Variants in RIMS1 observed in about 807,000 individuals in gnomAD.
The protein encoded by RIMS1 is regulating synaptic membrane exocytosis 1.
In RIMS1, 83 loss-of-function variants were observed where a neutral mutation model predicts 214.1. The observed-to-expected ratio is 0.39, with a 90% confidence interval of 0.32 to 0.47. RIMS1 has a LOEUF of 0.47. Ranked by LOEUF, RIMS1 falls within the 20% of genes least tolerant of loss-of-function variation. The probability of loss-of-function intolerance (pLI) is 0.99; values close to 1 mark genes in which losing one functional copy is unlikely to be tolerated. For missense variants in RIMS1, 2,050 were observed against 2,161.8 expected (o/e 0.95, Z 1.03); for synonymous variants, 793 against 786.8 (o/e 1.01, Z -0.13).
intron 2 of RIMS1, among the ~76,000 whole-genome samples, chr6:72,078,677 CA>C (rs915510013): frequency 6.6e-6 from 1 of 151,636 alleles, no homozygotes; most frequent in Non-Finnish European, 1.5e-5. Flanking sequence ...AAAACAAACA[CA>C]AAAAAACAAG....
chr6:72,080,409 A>G (rs1021274681), intron 2 of RIMS1, among the ~76,000 whole-genome samples: 1 of 152,202 alleles, frequency 6.6e-6, no homozygotes, highest in African/African-American at 2.4e-5. Context: ...GCTATGGTCC[A>G]GACTTCCATT....
At chr6:71,921,699 A>C (rs1419570042) in intron 1 of RIMS1, among the ~76,000 whole-genome samples, 3 of 152,192 alleles carry the variant, frequency 2.0e-5, no homozygotes, top group African/African-American at 7.2e-5. Context: ...TCAAAATCTA[A>C]ACTTTGTATA....
At chr6:72,137,480 G>A (rs1455451071) in intron 4 of RIMS1, among the ~76,000 whole-genome samples, 2 of 151,488 alleles carry the variant, frequency 1.3e-5, no homozygotes, top group Non-Finnish European at 2.9e-5. Context: ...GTTTTGAGAC[G>A]TTTAATTTTT....
chr6:72,261,349 G>A (rs1320750585), intron 19 of RIMS1: 3 of 988,230 alleles, frequency 3.0e-6, no homozygotes, highest in Middle Eastern at 5.1e-4. Context: ...CAGAAATGCT[G>A]CAGTACAAAC....
At chr6:72,271,285 AAATATAT>A (rs1365332033) in intron 22 of RIMS1, among the ~76,000 whole-genome samples, 3 of 22,894 alleles carry the variant, frequency 1.3e-4, no homozygotes, top group African/African-American at 6.6e-4. Context: ...AAAAAAAAAA[AAATATAT>A]ATATATATAT....
At chr6:72,044,479 C>T (rs1378290969) in intron 2 of RIMS1, among the ~76,000 whole-genome samples, 2 of 151,480 alleles carry the variant, frequency 1.3e-5, no homozygotes, top group Non-Finnish European at 3.0e-5. Context: ...TTATAAAGCA[C>T]ATTTTTAATA....
chr6:72,204,962 A>G (rs2052647792), intron 6 of RIMS1, among the ~76,000 whole-genome samples: 1 of 152,084 alleles, frequency 6.6e-6, no homozygotes, highest in South Asian at 2.1e-4. Flanking sequence ...ATGGCCATGC[A>G]TTTGGGAAAA....
chr6:72,345,990 T>A (rs1254368268), intron 29 of RIMS1, among the ~76,000 whole-genome samples: 1 of 151,676 alleles, frequency 6.6e-6, no homozygotes, highest in Non-Finnish European at 1.5e-5. Flanking sequence ...TGAAGTTACT[T>A]AGGAAAGAAG....
intron 26 of RIMS1, among the ~76,000 whole-genome samples, chr6:72,293,051 G>A (rs963389383): frequency 6.6e-6 from 1 of 151,970 alleles, no homozygotes; most frequent in African/African-American, 2.4e-5. Flanking sequence ...AAAGATCTCA[G>A]AAGGTAAATG....
intron 1 of RIMS1, among the ~76,000 whole-genome samples, chr6:71,933,718 A>ACACACACAC (rs1562225141): frequency 2.0e-5 from 3 of 150,448 alleles, no homozygotes; most frequent in Non-Finnish European, 3.0e-5. Flanking sequence ...ACACACACAC[A>ACACACACAC]AGTTGTATTA....
intron 6 of RIMS1, chr6:72,216,681 A>G: frequency 4.1e-6 from 4 of 985,658 alleles, no homozygotes; most frequent in Non-Finnish European, 4.8e-6. Flanking sequence ...CAACCTTGTC[A>G]TCTTAATCCA....
At chr6:72,070,138 T>C (rs1357049978) in intron 2 of RIMS1, among the ~76,000 whole-genome samples, 1 of 152,190 alleles carries the variant, frequency 6.6e-6, no homozygotes, top group Non-Finnish European at 1.5e-5. Flanking sequence ...CTAGGCAAGA[T>C]TCTAGGGACT....
intron 2 of RIMS1, among the ~76,000 whole-genome samples, chr6:72,044,294 A>G (rs1822333497): frequency 6.6e-6 from 1 of 151,848 alleles, no homozygotes; most frequent in Non-Finnish European, 1.5e-5. Context: ...TTAAAATAAA[A>G]CATCAGAGAA....
chr6:72,281,240 T>C (rs1450469993), intron 23 of RIMS1, among the ~76,000 whole-genome samples: 1 of 151,986 alleles, frequency 6.6e-6, no homozygotes, highest in Non-Finnish European at 1.5e-5. Context: ...GATAAAAGAG[T>C]AGTACCTACC....
chr6:71,996,213 G>A (rs1285236744), intron 2 of RIMS1, among the ~76,000 whole-genome samples: 1 of 152,122 alleles, frequency 6.6e-6, no homozygotes, highest in Non-Finnish European at 1.5e-5. Context: ...TACAAAATTT[G>A]GAGAGCCTCA....
At chr6:72,015,119 G>A (rs534234413) in intron 2 of RIMS1, among the ~76,000 whole-genome samples, 1 of 152,046 alleles carries the variant, frequency 6.6e-6, no homozygotes, top group Non-Finnish European at 1.5e-5. Context: ...GTCTAAACAT[G>A]AAATTATTTA....
At chr6:72,255,365 TTTA>T (rs1334460593) in intron 16 of RIMS1, among the ~76,000 whole-genome samples, 1 of 152,200 alleles carries the variant, frequency 6.6e-6, no homozygotes, top group African/African-American at 2.4e-5. Flanking sequence ...TTCCTGGTTG[TTTA>T]TTATCTAGAG....
chr6:72,012,743 T>C (rs946843459), intron 2 of RIMS1, among the ~76,000 whole-genome samples: 3 of 152,080 alleles, frequency 2.0e-5, no homozygotes, highest in Non-Finnish European at 2.9e-5. Flanking sequence ...TAGATTGGAT[T>C]TGGAATGTGA....
intron 1 of RIMS1, among the ~76,000 whole-genome samples, chr6:71,968,143 C>T (rs1246990232): frequency 6.6e-6 from 1 of 152,164 alleles, no homozygotes; most frequent in Non-Finnish European, 1.5e-5. Context: ...CTATTCAAAG[C>T]CATGTTTATT....
Sources: gnomAD v4.1 joint callset for allele counts (sites outside exome capture counted in the v4.1 genomes callset) on GRCh38, gnomAD v4.1.1 for gene constraint, MANE v1.5 for transcripts, NCBI Gene and HGNC (gene_info 2026-07-23, HGNC 2026-07-21) for gene names.